Variants in EPN2 observed in about 807,000 individuals in gnomAD.
EPN2 encodes the protein epsin 2, also known as epsin-2.
EPN2 carries 34 observed loss-of-function variants against 61.7 expected under a neutral mutation model. The observed-to-expected ratio is 0.55, with a 90% CI of 0.42 to 0.73. The LOEUF (loss-of-function observed/expected upper bound fraction) is 0.73. Ranked by LOEUF, EPN2 falls within the 30% of genes least tolerant of loss-of-function variation. The pLI, the probability that EPN2 is intolerant of heterozygous loss-of-function variation, is 0.00. For synonymous variants in EPN2, 349 were observed against 353.6 expected (o/e 0.99, Z 0.15); for missense variants, 714 against 839.2 (o/e 0.85, Z 1.84).
chr17:19,313,482 T>C, intron 7 of EPN2: 1 of 440,400 alleles, frequency 2.3e-6, no homozygotes, highest in Non-Finnish European at 4.0e-6. Flanking sequence ...TTGTTTTGAG[T>C]GGTTTTCTGC....
intron 1 of EPN2, among the ~76,000 whole-genome samples, chr17:19,266,502 G>A (rs955271918): frequency 3.3e-5 from 5 of 151,468 alleles, no homozygotes; most frequent in African/African-American, 7.3e-5. Flanking sequence ...TCCCGGGTTC[G>A]TGCCATTCTC....
intron 10 of EPN2, among the ~76,000 whole-genome samples, chr17:19,333,539 T>A (rs1303607412): frequency 2.6e-5 from 4 of 152,140 alleles, no homozygotes; most frequent in African/African-American, 2.4e-5. Context: ...CATATGTGGA[T>A]CCCTGGGTGC....
chr17:19,261,375 C>G lies in EPN2; in HGVS notation c.-293-20580C>G, dbSNP rs192929214. Among the ~76,000 whole-genome samples the G allele has an allele frequency of 2.6e-5, 4 of 152,222 alleles. No individual in the cohort carries two copies. The East Asian group carries it at 7.7e-4, about 29-fold the overall frequency. On this transcript the variant is annotated intron_variant, in intron 1 of 10. Transcript: ENST00000314728. ...ATCATGTTGTCATATGTTTAAGGAC[C>G]ATTTATAGTTTTCTGTGGACAGTTC...
intron 1 of EPN2, among the ~76,000 whole-genome samples, chr17:19,260,942 G>A (rs1216096024): frequency 6.6e-6 from 1 of 152,110 alleles, no homozygotes; most frequent in Non-Finnish European, 1.5e-5. Context: ...AGTGCATGGA[G>A]AATGGTTGTC....
At chr17:19,332,160 G>A (rs940281568) in intron 10 of EPN2, 92 bp downstream of exon 10, 10 of 966,174 alleles carry the variant, frequency 1.0e-5, no homozygotes, top group East Asian at 1.0e-4. Flanking sequence ...ACTGTGTGAC[G>A]GGGAAGGGGT....
chr17:19,237,448 G>C lies in EPN2; in HGVS notation c.-377G>C, dbSNP rs1168086768. ...TGAGCCAGACGCGGCGGTGGCGGCG[G>C]CTCCGCGGGCTACGGTCGCTCCCGC... On this transcript the variant is annotated 5_prime_UTR_variant, in exon 1 of 11. Coordinates refer to ENST00000314728, the MANE Select transcript of EPN2 (RefSeq NM_014964.5). 1 of 152,080 alleles carries C rather than the reference G, an allele frequency of 6.6e-6. No homozygotes were observed. Among genetic ancestry groups the C allele is most frequent in the Non-Finnish European group, 1.5e-5 (1 of 67,998 alleles). 9.4% of individuals were successfully genotyped at this position (152,080 alleles called of 1,614,324 possible).
At chr17:19,254,936 T>C (rs2152204589) in intron 1 of EPN2, among the ~76,000 whole-genome samples, 1 of 152,300 alleles carries the variant, frequency 6.6e-6, no homozygotes, top group Middle Eastern at 3.4e-3. Context: ...ATGGCATGGT[T>C]GTCAGTGTGG....
At chr17:19,294,940 C>T (rs145067520) in intron 4 of EPN2, among the ~76,000 whole-genome samples, 95 of 152,094 alleles carry the variant, frequency 6.2e-4, no homozygotes, top group African/African-American at 2.2e-3. Context: ...TTCAAATAGA[C>T]AACTTCCAGG....
chr17:19,269,722 A>C (rs568751948), intron 1 of EPN2, among the ~76,000 whole-genome samples: 45 of 151,938 alleles, frequency 3.0e-4, no homozygotes, highest in South Asian at 1.3e-3. Context: ...CTGGCTTAGC[A>C]CTGAATGGCT....
intron 1 of EPN2, among the ~76,000 whole-genome samples, chr17:19,242,167 T>A (rs184336861): frequency 9.9e-4 from 144 of 144,878 alleles, no homozygotes; most frequent in African/African-American, 3.4e-3. Flanking sequence ...CCAGCCACGG[T>A]GGCTCATGCC....
chr17:19,237,650 A>T (rs1875128113), intron 1 of EPN2, 119 bp downstream of exon 1: 1 of 151,712 alleles, frequency 6.6e-6, no homozygotes, highest in Non-Finnish European at 1.5e-5. Context: ...CAGCCCCGCC[A>T]GGGCATGCGC....
At chr17:19,281,526 T>A (rs556915159) in intron 1 of EPN2, among the ~76,000 whole-genome samples, 2 of 152,294 alleles carry the variant, frequency 1.3e-5, no homozygotes, top group Non-Finnish European at 2.9e-5. Flanking sequence ...ATGTGCCCAT[T>A]ACCCATCTGA....
intron 10 of EPN2, among the ~76,000 whole-genome samples, chr17:19,332,845 T>C (rs1213219787): frequency 6.6e-6 from 1 of 152,226 alleles, no homozygotes; most frequent in Non-Finnish European, 1.5e-5. Context: ...CCCCAAAGCC[T>C]TGGGCTTCCC....
intron 1 of EPN2, among the ~76,000 whole-genome samples, chr17:19,257,195 T>C (rs1372116946): frequency 6.6e-6 from 1 of 152,132 alleles, no homozygotes; most frequent in Non-Finnish European, 1.5e-5. Flanking sequence ...AGCTATTTTG[T>C]CTTTGAACAA....
Position 19,298,658 on chromosome 17 carries a change from C to T in EPN2, c.767-11227C>T, listed in dbSNP as rs1905315732. ...AGCTTGGGACTACAGACACCCGCTACCGAGCCCAGCAACACTTAGTTTTAA... is the reference window on the plus strand; with the variant it reads ...AGCTTGGGACTACAGACACCCGCTATCGAGCCCAGCAACACTTAGTTTTAA... On this transcript the variant is annotated intron_variant, in intron 4 of 10. Coordinates refer to ENST00000314728, the MANE Select transcript of EPN2 (RefSeq NM_014964.5). Among the ~76,000 whole-genome samples the T allele has an allele frequency of 3.3e-5, 5 of 152,202 alleles. No homozygotes were observed. The South Asian group carries it at 1.0e-3, about 32-fold the overall frequency.
intron 4 of EPN2, among the ~76,000 whole-genome samples, chr17:19,293,130 G>A (rs904534425): frequency 6.6e-6 from 1 of 152,024 alleles, no homozygotes; most frequent in African/African-American, 2.4e-5. Flanking sequence ...TGTAATCCCA[G>A]CATGTTGGGA....
intron 4 of EPN2, among the ~76,000 whole-genome samples, chr17:19,295,378 G>GCGCGCA (rs1374516110): frequency 6.6e-6 from 1 of 150,770 alleles, no homozygotes; most frequent in Non-Finnish European, 1.5e-5. Context: ...GCGCGTGCGC[G>GCGCGCA]CAAAATAGCC....
intron 4 of EPN2, among the ~76,000 whole-genome samples, chr17:19,293,008 G>A (rs574250662): frequency 7.9e-5 from 12 of 152,302 alleles, no homozygotes; most frequent in South Asian, 4.1e-4. Flanking sequence ...CAAATACGGT[G>A]TACACCTATT....
Position 19,285,720 on chromosome 17 carries a change from C to T in EPN2, c.696C>T (p.His232=), listed in dbSNP as rs71369411. The T allele has an allele frequency of 1.0e-3, 1,609 of 1,606,576 alleles. 3 individuals are homozygous for T. The highest frequency in any genetic ancestry group is 2.1e-3 in the Middle Eastern group (10 of 4,698). Residue 232 remains histidine, a synonymous_variant, in exon 4 of 11, where the codon CAC becomes CAT. Transcript: ENST00000314728. The surrounding 1 kb of genome is among the most constrained non-coding windows in gnomAD (Gnocchi z 4.5). ...PLSQRHPFLP[H]LGLASRPNGD... ...GCCAGCGCCACCCCTTCCTGCCGCA[C>T]CTGGGGCTGGCCTCCCGCCCAAATG...
Sources: gnomAD v4.1 joint callset for allele counts (sites outside exome capture counted in the v4.1 genomes callset) on GRCh38, gnomAD v4.1.1 for gene constraint, Gnocchi (gnomAD v3.1) non-coding constraint, MANE v1.5 for transcripts, NCBI Gene and HGNC (gene_info 2026-07-23, HGNC 2026-07-21) for gene names.